SHROOM3: variants seen among roughly 807,000 people sequenced by gnomAD.
SHROOM3 encodes the protein shroom family member 3, also known as protein Shroom3.
A neutral mutation model predicts 138.6 loss-of-function variants in SHROOM3; 47 were observed. That is an observed-to-expected ratio of 0.34 (90% CI 0.27 to 0.43). SHROOM3 has a LOEUF of 0.43. Ranked by LOEUF, SHROOM3 falls within the 20% of genes least tolerant of loss-of-function variation. The pLI, the probability that SHROOM3 is intolerant of heterozygous loss-of-function variation, is 1.00. For synonymous variants in SHROOM3, 1,062 were observed against 1,063.3 expected, an observed-to-expected ratio of 1.00 and a Z score of 0.02; for missense variants, 2,491 against 2,596.5, an observed-to-expected ratio of 0.96 and a Z score of 0.88.
chr4:76,680,329 C>T (rs1719155753), intron 2 of SHROOM3, among the ~76,000 whole-genome samples: 1 of 152,036 alleles, frequency 6.6e-6, no homozygotes, highest in South Asian at 2.1e-4. Context: ...TTAGTAGACA[C>T]GGGGTTTCAC....
rs1030740430 is a variant in SHROOM3, at chr4:76,733,353, G to A, written c.587+2418G>A. 3.3e-5 allele frequency among the ~76,000 whole-genome samples: 5 copies of A among 152,288 alleles called. 1 individual carries two copies. The South Asian group carries it at 1.0e-3, about 32-fold the overall frequency. On this transcript the variant is annotated intron_variant, in intron 4 of 10. Transcript: ENST00000296043. ...AGGCAGGTGGATCTGCCCTTGTGCTGTATCTACCACTCTGTCTCTCTGATT... is the reference window on the plus strand; with the variant it reads ...AGGCAGGTGGATCTGCCCTTGTGCTATATCTACCACTCTGTCTCTCTGATT...
chr4:76,764,769 T>A (rs1352416532), intron 9 of SHROOM3, among the ~76,000 whole-genome samples: 1 of 152,214 alleles, frequency 6.6e-6, no homozygotes, highest in African/African-American at 2.4e-5. Flanking sequence ...CTCTGGCCAC[T>A]CTCTTTCGTC....
intron 1 of SHROOM3, among the ~76,000 whole-genome samples, chr4:76,474,939 A>AT (rs971816333): frequency 6.7e-5 from 10 of 149,972 alleles, no homozygotes; most frequent in Admixed American, 2.0e-4. Context: ...AAAAAAAAAA[A>AT]TTTTTTTTTT....
intron 2 of SHROOM3, among the ~76,000 whole-genome samples, chr4:76,684,903 CT>C (rs1719294681): frequency 6.6e-6 from 1 of 152,178 alleles, no homozygotes; most frequent in South Asian, 2.1e-4. Context: ...TTGGCATGGC[CT>C]TAAATGCATT....
At chr4:76,472,217 G>A (rs1000825325) in intron 1 of SHROOM3, among the ~76,000 whole-genome samples, 1 of 152,012 alleles carries the variant, frequency 6.6e-6, no homozygotes, top group Non-Finnish European at 1.5e-5. Context: ...GTGGATTGGG[G>A]CAAAACAAAA....
At chr4:76,641,401 C>A (rs1322227444) in intron 2 of SHROOM3, among the ~76,000 whole-genome samples, 1 of 152,106 alleles carries the variant, frequency 6.6e-6, no homozygotes, top group East Asian at 1.9e-4. Context: ...AACCACCCAC[C>A]CACAGGAAGG....
chr4:76,646,166 A>G (rs1435325848), intron 2 of SHROOM3, among the ~76,000 whole-genome samples: 1 of 148,560 alleles, frequency 6.7e-6, no homozygotes. Context: ...ACATGTATAC[A>G]TATGTAACAA....
At chr4:76,748,613 C>A (rs543599969) in intron 5 of SHROOM3, among the ~76,000 whole-genome samples, 2 of 152,148 alleles carry the variant, frequency 1.3e-5, no homozygotes. Flanking sequence ...ATAGACTGTC[C>A]TTTCCCGTCA....
chr4:76,478,483 G>A (rs1731535653), intron 1 of SHROOM3, among the ~76,000 whole-genome samples: 1 of 152,190 alleles, frequency 6.6e-6, no homozygotes. Flanking sequence ...CCCAGGCAGG[G>A]GTTGATAAAT....
At chr4:76,538,714 C>G (rs1733034647) in intron 1 of SHROOM3, among the ~76,000 whole-genome samples, 1 of 151,978 alleles carries the variant, frequency 6.6e-6, no homozygotes, top group Non-Finnish European at 1.5e-5. Flanking sequence ...TTAATTCATT[C>G]ATGCAACATG....
intron 2 of SHROOM3, among the ~76,000 whole-genome samples, chr4:76,582,538 T>G (rs1474075354): frequency 2.0e-5 from 3 of 152,200 alleles, no homozygotes; most frequent in Non-Finnish European, 4.4e-5. Context: ...TCAAGGCTAT[T>G]CATCTTGGTC....
intron 2 of SHROOM3, among the ~76,000 whole-genome samples, chr4:76,563,919 T>C (rs558769577): frequency 2.0e-5 from 3 of 152,160 alleles, no homozygotes; most frequent in Non-Finnish European, 4.4e-5. Context: ...AACTCCTGTA[T>C]GAAGGGGCAG....
chr4:76,688,317 A>G (rs1024685911), intron 2 of SHROOM3: 1 of 906,482 alleles, frequency 1.1e-6, no homozygotes, highest in Non-Finnish European at 1.3e-6. Flanking sequence ...AGTGGTTGCC[A>G]TGGCTGCTAA....
chr4:76,548,376 A>G (rs991847174), intron 1 of SHROOM3, among the ~76,000 whole-genome samples: 4 of 152,186 alleles, frequency 2.6e-5, no homozygotes, highest in South Asian at 2.1e-4. Context: ...GAGAAGCACA[A>G]CACAGGACCA....
intron 1 of SHROOM3, among the ~76,000 whole-genome samples, chr4:76,477,570 G>T (rs1345225002): frequency 6.6e-6 from 1 of 152,010 alleles, no homozygotes; most frequent in Non-Finnish European, 1.5e-5. Flanking sequence ...TGTATAGGTG[G>T]TATATGTGTG....
chr4:76,649,599 A>G (rs1235382149), intron 2 of SHROOM3, among the ~76,000 whole-genome samples: 1 of 152,250 alleles, frequency 6.6e-6, no homozygotes, highest in Non-Finnish European at 1.5e-5. Flanking sequence ...CTTCCAAATT[A>G]GAGAAATAAT....
intron 2 of SHROOM3, among the ~76,000 whole-genome samples, chr4:76,591,837 A>C (rs1734279736): frequency 6.6e-6 from 1 of 152,244 alleles, no homozygotes; most frequent in Non-Finnish European, 1.5e-5. Flanking sequence ...ATATTTAGGA[A>C]GTGCCTACCA....
intron 3 of SHROOM3, among the ~76,000 whole-genome samples, chr4:76,721,415 A>G (rs907379365): frequency 6.6e-6 from 1 of 152,262 alleles, no homozygotes; most frequent in Non-Finnish European, 1.5e-5. Flanking sequence ...AAGACTAGAC[A>G]TGAAAAAGTG....
chr4:76,552,839 G>A (rs1448054685), intron 1 of SHROOM3, among the ~76,000 whole-genome samples: 1 of 151,984 alleles, frequency 6.6e-6, no homozygotes, highest in Non-Finnish European at 1.5e-5. Context: ...CTCAGGTTTT[G>A]TTTTTGTTTT....
Sources: gnomAD v4.1 joint callset for allele counts (sites outside exome capture counted in the v4.1 genomes callset) on GRCh38, gnomAD v4.1.1 for gene constraint, MANE v1.5 for transcripts, NCBI Gene and HGNC (gene_info 2026-07-23, HGNC 2026-07-21) for gene names.